Variants in CRTAC1 observed in about 807,000 individuals in gnomAD.
CRTAC1 encodes the protein acidic secreted protein in cartilage.
A neutral mutation model predicts 67.8 loss-of-function variants in CRTAC1; 37 were observed. That is an observed-to-expected ratio of 0.55 (90% CI 0.42 to 0.72). CRTAC1 has a LOEUF of 0.72. Ranked by LOEUF, CRTAC1 falls within the 30% of genes least tolerant of loss-of-function variation. The pLI is 0.00. For synonymous variants in CRTAC1, 348 were observed against 371.0 expected (o/e 0.94, Z 0.71); for missense variants, 780 against 931.6 (o/e 0.84, Z 2.12).
chr10:98,000,690 G>A (rs1416912210), intron 2 of CRTAC1, among the ~76,000 whole-genome samples: 2 of 152,210 alleles, frequency 1.3e-5, no homozygotes, highest in African/African-American at 4.8e-5. Context: ...GGCTAGAAGA[G>A]CGACACCCCA....
chr10:97,971,627 C>T (rs1420936633), intron 2 of CRTAC1, among the ~76,000 whole-genome samples: 2 of 152,180 alleles, frequency 1.3e-5, no homozygotes, highest in Non-Finnish European at 1.5e-5. Flanking sequence ...TGCCATTGAA[C>T]TGTACTCTTA....
chr10:97,950,240 C>CAGAGAGAGAGGGAGAGAGAG (rs1336847727), intron 2 of CRTAC1, among the ~76,000 whole-genome samples: 1 of 104,128 alleles, frequency 9.6e-6, no homozygotes, highest in African/African-American at 3.7e-5. Flanking sequence ...CGTGCACACA[C>CAGAGAGAGAGGGAGAGAGAG]ACACACAGAG....
At position 98,023,856 on chromosome 10, in the gene CRTAC1, T is replaced by C. The variant is rs7898620; in HGVS notation, c.24+6593A>G. On this transcript the variant is annotated intron_variant, in intron 1 of 14. Transcript: ENST00000370597. ...CTCAGGGGAGCCTCAAGTGACTTCC[T>C]ACCTCCCATCCTGAGCACAAGGAGG... Among the ~76,000 whole-genome samples, 761 of 152,290 alleles carry C rather than the reference T, an allele frequency of 5.0e-3. 13 individuals are homozygous for C. Among genetic ancestry groups the C allele is most frequent in the African/African-American group, 0.017 (705 of 41,558 alleles).
intron 2 of CRTAC1, among the ~76,000 whole-genome samples, chr10:97,993,836 A>T (rs1247089958): frequency 1.3e-5 from 2 of 152,108 alleles, no homozygotes; most frequent in Non-Finnish European, 2.9e-5. Flanking sequence ...AGAATTATTG[A>T]TCAAAATGTG....
At chr10:97,930,764 G>A (rs563477902) in intron 3 of CRTAC1, among the ~76,000 whole-genome samples, 12 of 152,096 alleles carry the variant, frequency 7.9e-5, no homozygotes, top group Non-Finnish European at 1.3e-4. Context: ...TCTCTCTAGC[G>A]TGGTGACTGA....
chr10:98,024,359 T>C (rs938852067), intron 1 of CRTAC1, among the ~76,000 whole-genome samples: 3 of 152,216 alleles, frequency 2.0e-5, no homozygotes, highest in Non-Finnish European at 4.4e-5. Flanking sequence ...TTTAAGAATA[T>C]GTCTGTTAAA....
intron 2 of CRTAC1, among the ~76,000 whole-genome samples, chr10:97,973,025 T>C (rs1366029640): frequency 6.6e-6 from 1 of 152,158 alleles, no homozygotes; most frequent in Non-Finnish European, 1.5e-5. Context: ...TCCCAAACAA[T>C]GGTGTCTTAG....
intron 6 of CRTAC1, 38 bp from the exon 7 acceptor site, chr10:97,904,852 C>T (rs1172976577): frequency 6.4e-7 from 1 of 1,556,324 alleles, no homozygotes; most frequent in East Asian, 2.4e-5. Context: ...GGCGGCATCC[C>T]CTGCACACTC....
At chr10:97,944,656 T>C (rs2051236025) in intron 2 of CRTAC1, among the ~76,000 whole-genome samples, 1 of 152,190 alleles carries the variant, frequency 6.6e-6, no homozygotes. Flanking sequence ...TCTCCTCCCC[T>C]TGAATTTGGG....
In CRTAC1 at chr10:98,008,974, T is replaced by G. The variant is rs568509698; in HGVS notation, c.224+2164A>C. On this transcript the variant is annotated intron_variant, in intron 2 of 14. Transcript: ENST00000370597. ...ATTCTGGCAGGGTGGCACATGGCTC[T>G]GGGAGTCAGTTTGGGTATGGACTTA... Among the ~76,000 whole-genome samples, 4 of 152,274 alleles carry G rather than the reference T, an allele frequency of 2.6e-5. No individual in the cohort carries two copies. The South Asian group carries it at 8.3e-4, about 32-fold the overall frequency.
chr10:98,015,139 T>C (rs1485403217), intron 1 of CRTAC1, among the ~76,000 whole-genome samples: 1 of 152,164 alleles, frequency 6.6e-6, no homozygotes, highest in African/African-American at 2.4e-5. Context: ...ATTGCTTTTA[T>C]ATAGGAAGAA....
chr10:97,979,486 G>A (rs1162836845), intron 2 of CRTAC1, among the ~76,000 whole-genome samples: 1 of 152,266 alleles, frequency 6.6e-6, no homozygotes, highest in Non-Finnish European at 1.5e-5. Context: ...AGCAAGGACT[G>A]ATGTCACATG....
At chr10:97,965,241 A>G (rs1291591086) in intron 2 of CRTAC1, among the ~76,000 whole-genome samples, 1 of 152,224 alleles carries the variant, frequency 6.6e-6, no homozygotes, top group East Asian at 1.9e-4. Context: ...AATAGCAAAC[A>G]TTTGTATAGA....
intron 6 of CRTAC1, among the ~76,000 whole-genome samples, chr10:97,906,710 G>T (rs1273032369): frequency 6.6e-6 from 1 of 152,194 alleles, no homozygotes; most frequent in Non-Finnish European, 1.5e-5. Flanking sequence ...CTTCTGCCTT[G>T]CCAGAGAAGG....
intron 14 of CRTAC1, among the ~76,000 whole-genome samples, chr10:97,878,947 G>A (rs371300108): frequency 7.9e-5 from 12 of 152,116 alleles, no homozygotes; most frequent in East Asian, 1.9e-4. Context: ...ATTGTTGTAC[G>A]CAACCAAACC....
intron 2 of CRTAC1, among the ~76,000 whole-genome samples, chr10:97,964,183 A>G (rs2051575796): frequency 6.6e-6 from 1 of 152,226 alleles, no homozygotes. Context: ...CCAGTGCATT[A>G]CGCTGGGTGG....
chr10:98,008,498 CA>C (rs1446827196), intron 2 of CRTAC1, among the ~76,000 whole-genome samples: 3 of 151,758 alleles, frequency 2.0e-5, no homozygotes, highest in Non-Finnish European at 2.9e-5. Flanking sequence ...CCATGAGAAG[CA>C]GAGTTGGCTG....
In CRTAC1 at chr10:97,908,102, G is replaced by C; in HGVS notation, c.761C>G (p.Ser254Trp). 1 of 1,614,148 alleles carries C rather than the reference G, an allele frequency of 6.2e-7. No homozygotes were observed. Among genetic ancestry groups the C allele is most frequent in the Non-Finnish European group, 8.5e-7 (1 of 1,180,010 alleles). The stretch of plus-strand genomic sequence containing the variant: ...ATTCTCATTGTCGCAGAAGATATCC[G>C]AGGCACTGCTGCTGAGGATGGGGCC... Reference protein sequence around the residue: ...SVGPILSSSASDIFCDNENGP... With the variant: ...SVGPILSSSAWDIFCDNENGP... The change falls in exon 6 of 15, where the codon TCG (serine) becomes TGG (tryptophan). Residue 254 changes from serine to tryptophan, a missense_variant. By Grantham distance (177) the Ser-to-Trp change is radical. Transcript: ENST00000370597.
chr10:97,909,163 C>G (rs2050654410), intron 5 of CRTAC1, among the ~76,000 whole-genome samples: 1 of 152,106 alleles, frequency 6.6e-6, no homozygotes, highest in Admixed American at 6.5e-5. Context: ...CTGAGCTATC[C>G]ACGTCAAGAA....
Sources: allele counts gnomAD v4.1 joint callset (sites outside exome capture counted in the v4.1 genomes callset), GRCh38; gene constraint gnomAD v4.1.1; transcripts MANE v1.5; gene names NCBI Gene and HGNC (gene_info 2026-07-23, HGNC 2026-07-21).